ECT2L: variants seen among roughly 807,000 people sequenced by gnomAD.
ECT2L encodes the protein epithelial cell transforming 2 like.
ECT2L carries 126 observed loss-of-function variants against 122.8 expected under a neutral mutation model. That is an observed-to-expected ratio of 1.03 (90% confidence interval 0.89 to 1.19). ECT2L has a LOEUF of 1.19. Among genes scored for constraint, ECT2L ranks in the 50% most tolerant of loss-of-function variants. The probability of loss-of-function intolerance (pLI) is 0.00; values close to 1 mark genes in which losing one functional copy is unlikely to be tolerated. For synonymous variants in ECT2L, 385 were observed against 381.8 expected, an observed-to-expected ratio of 1.01 and a Z score of -0.10; for missense variants, 1,012 against 1,064.1, an observed-to-expected ratio of 0.95 and a Z score of 0.68.
At chr6:138,826,779 C>G (rs542500265) in intron 4 of ECT2L, among the ~76,000 whole-genome samples, 1 of 152,050 alleles carries the variant, frequency 6.6e-6, no homozygotes, top group Non-Finnish European at 1.5e-5. Context: ...GTGTTTGGGT[C>G]ACGGGGGGCA....
In ECT2L at chr6:138,843,111, G is replaced by A. The variant is rs1234222895; in HGVS notation, c.475G>A (p.Glu159Lys). ...VSHLDWLTPR[E>K]AAATYGTLNE... The stretch of plus-strand genomic sequence containing the variant: ...CCACTTAGACTGGCTGACACCTAGG[G>A]AGGCTGCTGCTACTTATGGGACGCT... The change falls in exon 6 of 22, where the codon GAG (glutamate) becomes AAG (lysine). Residue 159 changes from glutamate to lysine, a missense_variant. Glu to Lys is a moderately conservative substitution (Grantham distance 56, BLOSUM62 1). Transcript: ENST00000541398. 6.2e-7 allele frequency: 1 copy of A among 1,614,174 alleles called. No individual in the cohort carries two copies. The highest frequency in any genetic ancestry group is 1.7e-5 in the Admixed American group (1 of 60,030).
intron 4 of ECT2L, among the ~76,000 whole-genome samples, chr6:138,819,309 T>G (rs12055486): frequency 0.43 from 65,865 of 151,556 alleles, 15,043 homozygotes; most frequent in East Asian, 0.8. Context: ...CTCTTTTTTT[T>G]TGTGTGGATG....
rs148142148 is a variant in ECT2L at position 138,817,781 on chromosome 6, A to C, written c.179+3178A>C. On this transcript the variant is annotated intron_variant, in intron 4 of 21. Coordinates refer to ENST00000541398, the MANE Select transcript of ECT2L (RefSeq NM_001077706.3). ...TCTTAAACCATCCCTCTGGCAAACT[A>C]AAATGTCCCTTCTCCTGGGAAGACT... is the stretch of plus-strand genomic sequence containing the variant. 2.8e-4 allele frequency among the ~76,000 whole-genome samples: 43 copies of C among 152,320 alleles called. No homozygotes were observed. In the East Asian group the frequency reaches 7.7e-3, roughly 27 times the overall value.
At chr6:138,875,124 C>A (rs566981792) in intron 13 of ECT2L, among the ~76,000 whole-genome samples, 1 of 152,260 alleles carries the variant, frequency 6.6e-6, no homozygotes, top group South Asian at 2.1e-4. Flanking sequence ...CTCCCTGGCT[C>A]CAAGCCATAA....
Position 138,849,440 on chromosome 6 carries a change from C to A in ECT2L, c.1069+6C>A. ...AGAAATCAATTTACTCCAAGGTAGG[C>A]CTGGGGATTGGCGGATGAACAACCA... On this transcript the variant is annotated splice_donor_region_variant and intron_variant, in intron 9 of 21. Transcript: ENST00000541398. 6.2e-7 allele frequency: 1 copy of A among 1,610,378 alleles called. No homozygotes were observed. Among genetic ancestry groups the A allele is most frequent in the Non-Finnish European group, 8.5e-7 (1 of 1,178,296 alleles).
At chr6:138,885,995 C>T (rs1778808494) in intron 18 of ECT2L, among the ~76,000 whole-genome samples, 165 bp downstream of exon 18, 2 of 152,068 alleles carry the variant, frequency 1.3e-5, no homozygotes, top group South Asian at 2.1e-4. Flanking sequence ...ATTTCCAACA[C>T]TAAGGGCATC....
chr6:138,828,930 G>C (rs375514323), intron 4 of ECT2L, among the ~76,000 whole-genome samples: 2 of 152,106 alleles, frequency 1.3e-5, no homozygotes, highest in South Asian at 2.1e-4. Context: ...GATAACTCTT[G>C]AGTTCTTTTG....
chr6:138,830,169 CAT>C (rs1206599783), intron 4 of ECT2L, among the ~76,000 whole-genome samples: 1 of 152,182 alleles, frequency 6.6e-6, no homozygotes, highest in Non-Finnish European at 1.5e-5. Context: ...TATTAAAAGA[CAT>C]ATGGTTACAG....
At chr6:138,866,540 C>T (rs1462824275) in intron 12 of ECT2L, among the ~76,000 whole-genome samples, 7 of 151,652 alleles carry the variant, frequency 4.6e-5, no homozygotes, top group Middle Eastern at 3.4e-3. Context: ...TGTGAGCCAC[C>T]GTGCCCAGCC....
chr6:138,852,740 C>T (rs1777491756), intron 9 of ECT2L, among the ~76,000 whole-genome samples: 1 of 152,122 alleles, frequency 6.6e-6, no homozygotes, highest in African/African-American at 2.4e-5. Flanking sequence ...TCTATGTCCT[C>T]CCAAAGTAAA....
Position 138,849,310 on chromosome 6 carries a change from A to G in ECT2L, c.945A>G (p.Val315=), listed in dbSNP as rs763500781. 30 of 1,614,040 alleles carry G rather than the reference A, an allele frequency of 1.9e-5. No individual in the cohort carries two copies. The East Asian group carries it at 5.1e-4, about 28-fold the overall frequency. ...TGAAGGCTGGTGTTGTTTCTGTGGT[A>G]TATGAACACAGCGTAACCTTGGAAA... ...ESVKAGVVSV[V]YEHSVTLESL... The change falls in exon 9 of 22, where the codon GTA becomes GTG. Residue 315 remains valine, a synonymous_variant. Coordinates refer to ENST00000541398, the MANE Select transcript of ECT2L (RefSeq NM_001077706.3).
chr6:138,879,193 G>A (rs1188857), intron 14 of ECT2L: 42,329 of 292,404 alleles, frequency 0.14, 4,270 homozygotes, highest in Non-Finnish European at 0.19. Flanking sequence ...ATTCACAATA[G>A]GCTTTCATTA....
chr6:138,843,047 G>GT lies in ECT2L; in HGVS notation c.412dup (p.Tyr138LeufsTer21). On this transcript the variant is annotated frameshift_variant, in exon 6 of 22. Transcript: ENST00000541398. LOFTEE classifies it high-confidence loss of function. ...TGCCCTATACTCCAACAGATAATGA[G>GT]TATGGTGCTTGGAAGCGCCATTACA... is the stretch of plus-strand genomic sequence containing the variant. 1 of 1,613,402 alleles carries GT rather than the reference G, an allele frequency of 6.2e-7. No individual in the cohort carries two copies. Among genetic ancestry groups the GT allele is most frequent in the Non-Finnish European group, 8.5e-7 (1 of 1,179,528 alleles).
chr6:138,859,598 T>C (rs367921305), intron 10 of ECT2L, among the ~76,000 whole-genome samples: 12 of 152,172 alleles, frequency 7.9e-5, no homozygotes, highest in Admixed American at 5.9e-4. Context: ...TGGTATCTCA[T>C]TGCAGTTTTA....
chr6:138,863,606 GTTTTC>G (rs1427836505), intron 11 of ECT2L, among the ~76,000 whole-genome samples: 18 of 151,212 alleles, frequency 1.2e-4, no homozygotes, highest in Admixed American at 1.2e-3. Flanking sequence ...TAGGGAACAG[GTTTTC>G]TTTCTTTTTT....
At chr6:138,874,751 G>A (rs1412549627) in intron 13 of ECT2L, among the ~76,000 whole-genome samples, 1 of 152,154 alleles carries the variant, frequency 6.6e-6, no homozygotes, top group Non-Finnish European at 1.5e-5. Flanking sequence ...CAACCTGAGA[G>A]TTTTGTTTTT....
In ECT2L at chr6:138,849,275, A is replaced by G. The variant is rs75962473; in HGVS notation, c.910A>G (p.Met304Val). 3,792 of 1,610,908 alleles carry G rather than the reference A, an allele frequency of 2.4e-3. 83 individuals carry two copies. The African/African-American group carries it at 0.043, about 18-fold the overall frequency. ...CTTTGGTTTCATTCTCCAGATGGTG[A>G]TGGAGAGTGTGAAGGCTGGTGTTGT... ...SSRIPAYEMV[M>V]ESVKAGVVSV... The change falls in exon 9 of 22, where the codon ATG (methionine) becomes GTG (valine). Residue 304 changes from methionine (M) to valine (V), a missense_variant. Transcript: ENST00000541398.
intron 9 of ECT2L, among the ~76,000 whole-genome samples, chr6:138,849,730 A>C (rs1562473529): frequency 6.6e-6 from 1 of 151,796 alleles, no homozygotes; most frequent in Admixed American, 6.6e-5. Context: ...CGCCACGCCC[A>C]GCTAATTTTT....
chr6:138,889,817 A>G (rs554892380), intron 20 of ECT2L, among the ~76,000 whole-genome samples: 2 of 152,336 alleles, frequency 1.3e-5, no homozygotes, highest in East Asian at 3.9e-4. Context: ...TAATTTTTAT[A>G]AATTAGTATC....
Sources: allele counts gnomAD v4.1 joint callset (sites outside exome capture counted in the v4.1 genomes callset), GRCh38; gene constraint gnomAD v4.1.1; transcripts MANE v1.5; gene names NCBI Gene and HGNC (gene_info 2026-07-23, HGNC 2026-07-21).